Variants in ARHGAP42 observed in about 807,000 individuals in gnomAD.
ARHGAP42 encodes the protein Rho GTPase activating protein 42.
Under a neutral mutation model 125.0 loss-of-function variants are expected in ARHGAP42, and 63 were observed. The observed-to-expected ratio is 0.50, with a 90% CI of 0.41 to 0.62. ARHGAP42 has a LOEUF of 0.62. Among genes scored for constraint, ARHGAP42 ranks in the 20% least tolerant of loss-of-function variants. The pLI, the probability that ARHGAP42 is intolerant of heterozygous loss-of-function variation, is 0.00. For synonymous variants in ARHGAP42, 339 were observed against 351.0 expected (o/e 0.97, Z 0.38); for missense variants, 766 against 1,024.2 (o/e 0.75, Z 3.44).
intron 1 of ARHGAP42, among the ~76,000 whole-genome samples, chr11:100,722,305 T>C (rs1861773585): frequency 6.6e-6 from 1 of 152,186 alleles, no homozygotes. Flanking sequence ...GTTTTTCTTA[T>C]TCTTGAATGT....
At chr11:100,872,090 T>C (rs1007215489) in intron 4 of ARHGAP42, among the ~76,000 whole-genome samples, 4 of 152,236 alleles carry the variant, frequency 2.6e-5, no homozygotes, top group South Asian at 2.1e-4. Flanking sequence ...ACCTAACTCT[T>C]GTTCTCTATA....
intron 3 of ARHGAP42, among the ~76,000 whole-genome samples, chr11:100,851,294 CA>C (rs1334730514): frequency 1.3e-5 from 2 of 152,144 alleles, no homozygotes; most frequent in Non-Finnish European, 2.9e-5. Context: ...CTAACAAGAG[CA>C]ACAGCATTCA....
At chr11:100,949,782 G>A (rs970050738) in intron 11 of ARHGAP42, 135 bp from the exon 12 acceptor site, 9 of 456,124 alleles carry the variant, frequency 2.0e-5, no homozygotes, top group Middle Eastern at 3.1e-4. Flanking sequence ...CACAGGTGGT[G>A]CTGTGGACAC....
chr11:100,919,839 G>A lies in ARHGAP42; in HGVS notation c.487-1655G>A, dbSNP rs115958650. ...TCACTCCAGAGAGCCCTTTTCCTGC[G>A]TCTCTTTCCAGCTTCCACATTCTGT... is the stretch of plus-strand genomic sequence containing the variant. On this transcript the variant is annotated intron_variant, in intron 5 of 23. Coordinates refer to ENST00000298815, the MANE Select transcript of ARHGAP42 (RefSeq NM_152432.4). Among the ~76,000 whole-genome samples, 1,122 of 152,198 alleles carry A rather than the reference G, an allele frequency of 7.4e-3. 20 individuals carry two copies. The highest frequency in any genetic ancestry group is 0.025 in the African/African-American group (1,036 of 41,514).
intron 3 of ARHGAP42, among the ~76,000 whole-genome samples, chr11:100,852,738 A>C (rs1279197606): frequency 1.3e-5 from 2 of 152,162 alleles, no homozygotes; most frequent in African/African-American, 4.8e-5. Context: ...TATTGACATA[A>C]ATGGGGCAAC....
chr11:100,858,557 A>C (rs373351388), intron 3 of ARHGAP42, among the ~76,000 whole-genome samples: 2 of 152,176 alleles, frequency 1.3e-5, no homozygotes, highest in African/African-American at 2.4e-5. Context: ...GAAAATAAGG[A>C]AAGTGACACT....
intron 2 of ARHGAP42, among the ~76,000 whole-genome samples, chr11:100,791,477 A>G (rs1191301589): frequency 2.0e-5 from 3 of 152,176 alleles, no homozygotes; most frequent in African/African-American, 7.2e-5. Context: ...TTTAGAGGAA[A>G]ATTTCAGATA....
At chr11:100,777,406 T>C (rs1863157973) in intron 2 of ARHGAP42, among the ~76,000 whole-genome samples, 1 of 152,172 alleles carries the variant, frequency 6.6e-6, no homozygotes. Context: ...TCAAGAAGAA[T>C]TTTTTCAAGG....
chr11:100,884,341 G>A (rs1281586933), intron 4 of ARHGAP42, among the ~76,000 whole-genome samples: 1 of 152,034 alleles, frequency 6.6e-6, no homozygotes, highest in Non-Finnish European at 1.5e-5. Context: ...TTTAGAATAA[G>A]CCACGTCAGT....
chr11:100,808,421 C>T (rs1215500283), intron 3 of ARHGAP42, among the ~76,000 whole-genome samples: 65 of 113,110 alleles, frequency 5.7e-4, no homozygotes, highest in Non-Finnish European at 8.8e-4. Context: ...TTTTTTGAGA[C>T]GGAGTCTCGC....
intron 3 of ARHGAP42, among the ~76,000 whole-genome samples, chr11:100,798,839 C>T (rs1475164304): frequency 6.6e-6 from 1 of 152,118 alleles, no homozygotes; most frequent in Admixed American, 6.5e-5. Flanking sequence ...TATTATTTTT[C>T]TGAACTGATA....
At chr11:100,823,362 G>C (rs751823419) in intron 3 of ARHGAP42, among the ~76,000 whole-genome samples, 2 of 152,114 alleles carry the variant, frequency 1.3e-5, no homozygotes, top group South Asian at 2.1e-4. Flanking sequence ...CAGGATGGTG[G>C]ATCACCTCTT....
chr11:100,792,955 C>T (rs1460568374), intron 2 of ARHGAP42, among the ~76,000 whole-genome samples: 2 of 152,026 alleles, frequency 1.3e-5, no homozygotes, highest in Admixed American at 6.6e-5. Flanking sequence ...GGGGTTTCAT[C>T]GTGTTAGCCA....
At chr11:100,944,538 C>G (rs907267325) in intron 10 of ARHGAP42, among the ~76,000 whole-genome samples, 2 of 151,954 alleles carry the variant, frequency 1.3e-5, no homozygotes, top group African/African-American at 4.8e-5. Flanking sequence ...TGATGACTTT[C>G]TATATATGCT....
At chr11:100,830,843 C>T (rs1864648040) in intron 3 of ARHGAP42, among the ~76,000 whole-genome samples, 2 of 152,028 alleles carry the variant, frequency 1.3e-5, no homozygotes, top group South Asian at 2.1e-4. Context: ...CTTTGAGAAA[C>T]CTTGGTGGGC....
chr11:100,896,878 C>T (rs1250346385), intron 4 of ARHGAP42, among the ~76,000 whole-genome samples: 1 of 152,054 alleles, frequency 6.6e-6, no homozygotes, highest in Non-Finnish European at 1.5e-5. Context: ...CTTTTGTTGC[C>T]ATTGCTTTTG....
intron 1 of ARHGAP42, among the ~76,000 whole-genome samples, chr11:100,721,490 G>A (rs2455566): frequency 6.7e-6 from 1 of 150,128 alleles, no homozygotes; most frequent in African/African-American, 2.4e-5. Context: ...TTTTTTTTTT[G>A]GAGGCGGAGT....
chr11:100,794,990 C>A, intron 2 of ARHGAP42, 115 bp from the exon 3 acceptor site: 1 of 691,976 alleles, frequency 1.4e-6, no homozygotes, highest in Non-Finnish European at 2.3e-6. Context: ...TAATAGTATA[C>A]AGAATATACT....
chr11:100,758,633 C>T lies in ARHGAP42; in HGVS notation c.155-11710C>T, dbSNP rs181248215. 2.6e-4 allele frequency among the ~76,000 whole-genome samples: 39 copies of T among 152,212 alleles called. 1 individual carries two copies. The highest frequency in any genetic ancestry group is 4.6e-4 in the Admixed American group (7 of 15,294). ...AGAGCAAATAAGTAACATGTCTTTC[C>T]AGTCATTGTTTACCTCTTTAAAAAT... On this transcript the variant is annotated intron_variant, in intron 1 of 23. Transcript: ENST00000298815.
Sources: allele counts gnomAD v4.1 joint callset (sites outside exome capture counted in the v4.1 genomes callset), GRCh38; gene constraint gnomAD v4.1.1; transcripts MANE v1.5; gene names NCBI Gene and HGNC (gene_info 2026-07-23, HGNC 2026-07-21).